The following USP25 variants were observed in gnomAD, a reference collection of about 807,000 sequenced individuals.
USP25 encodes ubiquitin specific peptidase 25.
In USP25, 85 loss-of-function variants were observed where a neutral mutation model predicts 158.5. The ratio of observed to expected loss-of-function variants is 0.54; its 90% CI spans 0.45 to 0.64. USP25 has a LOEUF of 0.64. USP25 is among the 30% of genes least tolerant of loss of function. USP25 has a pLI of 0.00. For missense variants in USP25, 1,242 were observed against 1,327.3 expected (o/e 0.94, Z 1.00); for synonymous variants, 464 against 460.4 (o/e 1.01, Z -0.10).
intron 1 of USP25, among the ~76,000 whole-genome samples, chr21:15,745,948 A>C (rs1474557593): frequency 1.3e-5 from 2 of 152,186 alleles, no homozygotes; most frequent in South Asian, 4.1e-4. Context: ...CCCAGCACCT[A>C]CTTTTGAAAA....
At chr21:15,871,082 G>C (rs1012552529) in intron 23 of USP25, among the ~76,000 whole-genome samples, 1 of 152,172 alleles carries the variant, frequency 6.6e-6, no homozygotes, top group Admixed American at 6.5e-5. Flanking sequence ...CTATTGGACA[G>C]TACTATTCTA....
intron 4 of USP25, among the ~76,000 whole-genome samples, chr21:15,789,593 T>C (rs1057327258): frequency 6.6e-6 from 1 of 152,086 alleles, no homozygotes; most frequent in Non-Finnish European, 1.5e-5. Context: ...TTTTTACATA[T>C]TGTCTGTCTG....
At chr21:15,768,497 A>T (rs2034165808) in intron 3 of USP25, among the ~76,000 whole-genome samples, 1 of 152,108 alleles carries the variant, frequency 6.6e-6, no homozygotes. Flanking sequence ...AATACTCTTT[A>T]AGTGACTGTG....
At chr21:15,791,044 CT>C (rs1008260601) in intron 4 of USP25, among the ~76,000 whole-genome samples, 16 of 150,890 alleles carry the variant, frequency 1.1e-4, no homozygotes, top group Admixed American at 6.6e-4. Context: ...ACTCACTGAA[CT>C]TTTTTTTTGT....
chr21:15,790,444 T>C (rs972839447), intron 4 of USP25, among the ~76,000 whole-genome samples: 4 of 152,016 alleles, frequency 2.6e-5, no homozygotes. Flanking sequence ...TAAATATTGC[T>C]GTTAAGGATA....
chr21:15,851,100 C>G (rs941804053), intron 20 of USP25, among the ~76,000 whole-genome samples: 6 of 151,306 alleles, frequency 4.0e-5, no homozygotes. Flanking sequence ...CCCAGATAGT[C>G]TACATTTTCT....
At chr21:15,800,904 C>G (rs1006464793) in intron 6 of USP25, among the ~76,000 whole-genome samples, 6 of 151,632 alleles carry the variant, frequency 4.0e-5, no homozygotes, top group African/African-American at 1.4e-4. Flanking sequence ...GTTATAATCT[C>G]TGGGCTGTAG....
intron 20 of USP25, among the ~76,000 whole-genome samples, chr21:15,859,928 A>AT (rs1009729333): frequency 3.4e-5 from 5 of 147,912 alleles, no homozygotes; most frequent in African/African-American, 1.2e-4. Context: ...ATTTTTCTAA[A>AT]TTCTTGAAAT....
At chr21:15,784,240 A>G (rs1281449439) in intron 4 of USP25, among the ~76,000 whole-genome samples, 2 of 152,226 alleles carry the variant, frequency 1.3e-5, no homozygotes, top group Admixed American at 1.3e-4. Context: ...AATGTCAGAA[A>G]TATCAACAGC....
At chr21:15,842,674 AC>A in intron 18 of USP25, 134 bp downstream of exon 18, 1 of 1,064,320 alleles carries the variant, frequency 9.4e-7, no homozygotes, top group Non-Finnish European at 1.3e-6. Flanking sequence ...ATGATCAGTG[AC>A]CATGGGCAAG....
chr21:15,799,618 G>A (rs2036031927), intron 5 of USP25, 139 bp from the exon 6 acceptor site: 1 of 486,156 alleles, frequency 2.1e-6, no homozygotes, highest in Non-Finnish European at 3.7e-6. Context: ...TCAGAAGTAT[G>A]TCCTCCTTGT....
chr21:15,738,211 G>A (rs773526310), intron 1 of USP25, among the ~76,000 whole-genome samples: 1 of 151,856 alleles, frequency 6.6e-6, no homozygotes, highest in Non-Finnish European at 1.5e-5. Flanking sequence ...GTTCATTGTT[G>A]TTGCTTTAAA....
chr21:15,791,721 G>C, intron 5 of USP25, 57 bp downstream of exon 5: 3 of 1,528,086 alleles, frequency 2.0e-6, no homozygotes, highest in Non-Finnish European at 2.6e-6. Flanking sequence ...AATGGAAAGT[G>C]AGTTGGTTGT....
intron 3 of USP25, among the ~76,000 whole-genome samples, chr21:15,776,150 A>T (rs1040133057): frequency 5.3e-5 from 8 of 152,026 alleles, no homozygotes; most frequent in African/African-American, 1.9e-4. Context: ...ACTCATCTTC[A>T]GCTGTGGTCT....
In USP25 at chr21:15,879,472, G is replaced by A. The variant is rs1186563410; in HGVS notation, c.*997G>A. ...CTAATTAATACTGTGAAACAAAATT[G>A]ATGTTGTTTAACTAGAAGTTATGAG... On this transcript the variant is annotated 3_prime_UTR_variant, in exon 26 of 26. Transcript: ENST00000400183. 1 of 152,350 alleles carries A rather than the reference G, an allele frequency of 6.6e-6. No individual in the cohort carries two copies. The highest frequency in any genetic ancestry group is 2.4e-5 in the African/African-American group (1 of 41,398). 9.4% of individuals were successfully genotyped at this position (152,350 alleles called of 1,614,324 possible).
At chr21:15,817,987 G>T (rs2037033062) in intron 9 of USP25, among the ~76,000 whole-genome samples, 2 of 152,126 alleles carry the variant, frequency 1.3e-5, no homozygotes, top group Admixed American at 6.5e-5. Flanking sequence ...ACTTTTCATT[G>T]TAATCTCTCC....
intron 1 of USP25, among the ~76,000 whole-genome samples, chr21:15,739,513 A>G (rs1290164518): frequency 4.6e-5 from 7 of 151,850 alleles, no homozygotes; most frequent in African/African-American, 7.3e-5. Flanking sequence ...CATCCTAGGA[A>G]CTGTGAAGTC....
intron 4 of USP25, among the ~76,000 whole-genome samples, chr21:15,788,871 CT>C (rs1383879562): frequency 1.3e-5 from 2 of 152,062 alleles, no homozygotes; most frequent in African/African-American, 4.8e-5. Flanking sequence ...TCTTAGGTGA[CT>C]TTGAGGAGCA....
chr21:15,852,332 G>C (rs2038927421), intron 20 of USP25, among the ~76,000 whole-genome samples: 1 of 151,870 alleles, frequency 6.6e-6, no homozygotes, highest in Non-Finnish European at 1.5e-5. Context: ...TTTATATGTT[G>C]ATATTAGCAG....
Sources: allele counts gnomAD v4.1 joint callset (sites outside exome capture counted in the v4.1 genomes callset), GRCh38; gene constraint gnomAD v4.1.1; transcripts MANE v1.5; gene names NCBI Gene and HGNC (gene_info 2026-07-23, HGNC 2026-07-21).